Variants in DDC observed in about 807,000 individuals in gnomAD.
The protein encoded by DDC is dopa decarboxylase, also known as aromatic-L-amino-acid decarboxylase.
In DDC, 43 loss-of-function variants were observed where a neutral mutation model predicts 60.0. That is an observed-to-expected ratio of 0.72 (90% confidence interval 0.56 to 0.92). The LOEUF is 0.92. Ranked by LOEUF, DDC falls within the 40% of genes least tolerant of loss-of-function variation. DDC has a pLI of 0.00. For synonymous variants in DDC, 232 were observed against 234.6 expected (o/e 0.99, Z 0.10); for missense variants, 573 against 620.2 (o/e 0.92, Z 0.81).
intron 11 of DDC, among the ~76,000 whole-genome samples, chr7:50,472,059 T>G (rs1043240492): frequency 1.3e-5 from 2 of 152,140 alleles, no homozygotes; most frequent in African/African-American, 4.8e-5. Flanking sequence ...TGGCTCCAAA[T>G]GTTGTCATGT....
chr7:50,490,357 C>G (rs1461016582), intron 9 of DDC, among the ~76,000 whole-genome samples: 1 of 152,178 alleles, frequency 6.6e-6, no homozygotes, highest in Non-Finnish European at 1.5e-5. Flanking sequence ...AAATCCTTGA[C>G]TGGGACTGAG....
intron 2 of DDC, among the ~76,000 whole-genome samples, chr7:50,540,829 A>G (rs889209914): frequency 2.0e-5 from 3 of 152,170 alleles, no homozygotes; most frequent in Non-Finnish European, 4.4e-5. Context: ...ACTTGGGGAC[A>G]GGGGGTTTCA....
At chr7:50,491,512 T>A (rs961364965) in intron 9 of DDC, among the ~76,000 whole-genome samples, 3 of 152,154 alleles carry the variant, frequency 2.0e-5, no homozygotes, top group Non-Finnish European at 4.4e-5. Context: ...TCTGAAGACT[T>A]TTTTTAAAAG....
intron 10 of DDC, among the ~76,000 whole-genome samples, chr7:50,478,242 G>GATT (rs1211207615): frequency 6.6e-6 from 1 of 151,972 alleles, no homozygotes; most frequent in East Asian, 1.9e-4. Context: ...AGAACCAGAT[G>GATT]ATTGTCATGA....
At chr7:50,523,665 A>G (rs2043958795) in intron 6 of DDC, among the ~76,000 whole-genome samples, 1 of 152,230 alleles carries the variant, frequency 6.6e-6, no homozygotes, top group Non-Finnish European at 1.5e-5. Context: ...AAACACTGAA[A>G]AAAATTAACA....
intron 6 of DDC, among the ~76,000 whole-genome samples, chr7:50,521,650 G>A (rs2043893340): frequency 6.6e-6 from 1 of 152,134 alleles, no homozygotes; most frequent in Admixed American, 6.5e-5. Context: ...ACAGGCTGAA[G>A]GACAAGAATC....
chr7:50,485,598 T>G (rs1412815724), intron 9 of DDC, among the ~76,000 whole-genome samples: 1 of 152,252 alleles, frequency 6.6e-6, no homozygotes, highest in Non-Finnish European at 1.5e-5. Context: ...AGGATTTTTT[T>G]GCTTAGTTTA....
chr7:50,502,560 T>C, intron 7 of DDC, among the ~76,000 whole-genome samples: 1 of 152,246 alleles, frequency 6.6e-6, no homozygotes. Context: ...GCCAATGCTG[T>C]GGCTGCAGTC....
At chr7:50,472,259 G>A (rs73695700) in intron 11 of DDC, among the ~76,000 whole-genome samples, 6,010 of 152,200 alleles carry the variant, frequency 0.039, 251 homozygotes, top group African/African-American at 0.1. Context: ...TTGGCATGGC[G>A]CGGCCAGCCC....
chr7:50,460,783 G>A (rs994425916), intron 14 of DDC, among the ~76,000 whole-genome samples: 1 of 151,706 alleles, frequency 6.6e-6, no homozygotes, highest in African/African-American at 2.4e-5. Flanking sequence ...CATGTGCTGT[G>A]TCCACTCAGG....
chr7:50,487,250 T>C (rs2042905128), intron 9 of DDC, among the ~76,000 whole-genome samples: 1 of 152,166 alleles, frequency 6.6e-6, no homozygotes, highest in South Asian at 2.1e-4. Flanking sequence ...ATAGTTTTAG[T>C]AATCTTTGGT....
chr7:50,540,426 G>A (rs541053239), intron 2 of DDC, among the ~76,000 whole-genome samples: 46 of 151,814 alleles, frequency 3.0e-4, no homozygotes, highest in African/African-American at 1.1e-3. Context: ...TGATCTCTTT[G>A]TGCCAAAAGC....
intron 2 of DDC, among the ~76,000 whole-genome samples, chr7:50,543,620 A>C (rs2044705139): frequency 6.6e-6 from 1 of 152,184 alleles, no homozygotes; most frequent in Non-Finnish European, 1.5e-5. Context: ...ACTGAGTCTC[A>C]GGGGACCTGG....
intron 1 of DDC, among the ~76,000 whole-genome samples, chr7:50,551,136 C>T (rs2044978623): frequency 6.6e-6 from 1 of 151,922 alleles, no homozygotes; most frequent in South Asian, 2.1e-4. Context: ...CAAATTTTCC[C>T]CTAAAACATG....
intron 1 of DDC, among the ~76,000 whole-genome samples, chr7:50,552,857 A>T (rs2045052827): frequency 6.6e-6 from 1 of 152,210 alleles, no homozygotes; most frequent in Non-Finnish European, 1.5e-5. Flanking sequence ...ATTTGCCACA[A>T]GGAAGAGTCA....
At chr7:50,558,748 C>T (rs2045262431) in intron 1 of DDC, among the ~76,000 whole-genome samples, 1 of 152,230 alleles carries the variant, frequency 6.6e-6, no homozygotes, top group Non-Finnish European at 1.5e-5. Context: ...TACACCTCCA[C>T]TGTCAGCTGC....
chr7:50,496,133 C>T (rs1469734765), intron 8 of DDC, among the ~76,000 whole-genome samples: 3 of 151,090 alleles, frequency 2.0e-5, no homozygotes, highest in Non-Finnish European at 2.9e-5. Context: ...TACTTTGTTG[C>T]CCAGGCTGGA....
In DDC at chr7:50,529,276, G is replaced by A; in HGVS notation, c.502C>T (p.Gln168Ter). 1.2e-6 allele frequency: 2 copies of A among 1,614,014 alleles called. No individual in the cohort carries two copies. Among genetic ancestry groups the A allele is most frequent in the Non-Finnish European group, 1.7e-6 (2 of 1,180,024 alleles). The change falls in exon 5 of 15, where the codon CAG becomes TAG. Residue 168 changes from glutamine (Q) to a stop codon, truncating the protein, a stop_gained. Coordinates refer to ENST00000444124, the MANE Select transcript of DDC (RefSeq NM_001082971.2). LOFTEE classifies it high-confidence loss of function. ...AARTKVIHRL[Q>*]AASPELTQAA... ...TGTGTGAGCTCTGGGGACGCTGCCT[G>A]CAGCCGATGGATCACTTTGGTCCGA...
At chr7:50,471,841 CT>C (rs2042540191) in intron 11 of DDC, among the ~76,000 whole-genome samples, 1 of 152,208 alleles carries the variant, frequency 6.6e-6, no homozygotes, top group Non-Finnish European at 1.5e-5. Flanking sequence ...CACTAGCTGA[CT>C]GACTATCTAA....
Sources: gnomAD v4.1 joint callset for allele counts (sites outside exome capture counted in the v4.1 genomes callset) on GRCh38, gnomAD v4.1.1 for gene constraint, MANE v1.5 for transcripts, NCBI Gene and HGNC (gene_info 2026-07-23, HGNC 2026-07-21) for gene names.